PACS1: variants seen among roughly 807,000 people sequenced by gnomAD.
The protein encoded by PACS1 is PACS-1.
In PACS1, 24 loss-of-function variants were observed where a neutral mutation model predicts 115.0. The observed-to-expected ratio is 0.21, with a 90% CI of 0.15 to 0.29. The LOEUF is 0.29. Among genes scored for constraint, PACS1 ranks in the 10% least tolerant of loss-of-function variants. PACS1 has a pLI of 1.00. For missense variants in PACS1, 838 were observed against 1,251.2 expected (o/e 0.67, Z 4.98); for synonymous variants, 453 against 504.5 (o/e 0.90, Z 1.37).
intron 21 of PACS1, 192 bp from the exon 22 acceptor site, chr11:66,241,235 T>TC: frequency 1.8e-6 from 1 of 546,264 alleles, no homozygotes; most frequent in South Asian, 2.7e-5. Context: ...GCCTTTATTC[T>TC]CCCCAGCTTT....
intron 1 of PACS1, among the ~76,000 whole-genome samples, chr11:66,115,098 A>C (rs1220566986): frequency 6.6e-6 from 1 of 151,340 alleles, no homozygotes; most frequent in Non-Finnish European, 1.5e-5. Context: ...GGTCCCAGCT[A>C]CTTGGGAGGC....
At chr11:66,219,693 A>G (rs765998619) in intron 7 of PACS1, 53 bp from the exon 8 acceptor site, 1 of 1,375,444 alleles carries the variant, frequency 7.3e-7, no homozygotes, top group African/African-American at 1.4e-5. Context: ...TATTGACTTG[A>G]ATTGACCCCA....
Position 66,241,577 on chromosome 11 carries a change from C to T in PACS1, c.2580C>T (p.Arg860=), listed in dbSNP as rs775307227. 5.6e-6 allele frequency: 9 copies of T among 1,614,104 alleles called. No homozygotes were observed. Among genetic ancestry groups the T allele is most frequent in the African/African-American group, 1.3e-5 (1 of 74,942 alleles). Residue 860 remains arginine, a synonymous_variant, in exon 22 of 24, where the codon CGC becomes CGT. Coordinates refer to ENST00000320580, the MANE Select transcript of PACS1 (RefSeq NM_018026.4). ...KSVFRSVQVS[R]LPHSGEAQLS... ...TCTTCCGCTCAGTGCAGGTGTCCCG[C>T]CTGCCCCATAGTGGGGAGGCCCAGC...
At chr11:66,183,055 A>G (rs554529624) in intron 1 of PACS1, among the ~76,000 whole-genome samples, 1 of 152,282 alleles carries the variant, frequency 6.6e-6, no homozygotes, top group African/African-American at 2.4e-5. Context: ...ACATGAGCCC[A>G]GGAGATGGAG....
intron 1 of PACS1, among the ~76,000 whole-genome samples, chr11:66,100,580 T>C (rs767733406): frequency 7.9e-5 from 12 of 152,226 alleles, no homozygotes; most frequent in Non-Finnish European, 1.2e-4. Context: ...TTATCTACTG[T>C]TGTGTAAAAA....
intron 1 of PACS1, among the ~76,000 whole-genome samples, chr11:66,125,329 A>T (rs1343792748): frequency 6.6e-6 from 1 of 152,204 alleles, no homozygotes; most frequent in African/African-American, 2.4e-5. Flanking sequence ...TAATGCGTAG[A>T]CCAAATCTTA....
In PACS1 at chr11:66,235,792, C is replaced by A; in HGVS notation, c.2208-106C>A. On this transcript the variant is annotated intron_variant, in intron 18 of 23. Transcript: ENST00000320580. The surrounding 1 kb of genome is among the most constrained non-coding windows in gnomAD (Gnocchi z 5.6). Reference sequence around the variant, plus strand: ...GATGTGATGGGCAGAGGCAGCCCAGCATCCTGGACTCTGCTGCAGCCACAG... The same window carrying A: ...GATGTGATGGGCAGAGGCAGCCCAGAATCCTGGACTCTGCTGCAGCCACAG... 1.0e-6 allele frequency: 1 copy of A among 961,940 alleles called. No individual in the cohort carries two copies. Among genetic ancestry groups the A allele is most frequent in the Non-Finnish European group, 1.7e-6 (1 of 585,838 alleles). 59.6% of individuals were successfully genotyped at this position (961,940 alleles called of 1,614,324 possible).
At chr11:66,108,901 C>A (rs1371232929) in intron 1 of PACS1, among the ~76,000 whole-genome samples, 1 of 152,070 alleles carries the variant, frequency 6.6e-6, no homozygotes, top group African/African-American at 2.4e-5. Context: ...CCCAAGAGTT[C>A]AGGGCTGCAA....
chr11:66,175,631 TG>T (rs2134646688), intron 1 of PACS1, among the ~76,000 whole-genome samples: 1 of 152,326 alleles, frequency 6.6e-6, no homozygotes, highest in South Asian at 2.1e-4. Flanking sequence ...TCAGTCCCAG[TG>T]GCCTTTAGGG....
intron 1 of PACS1, among the ~76,000 whole-genome samples, chr11:66,150,164 G>A (rs1057259190): frequency 2.0e-5 from 3 of 152,044 alleles, no homozygotes; most frequent in Admixed American, 2.0e-4. Flanking sequence ...CTTTATTAAA[G>A]ACATATAAAA....
intron 6 of PACS1, 22 bp from the exon 7 acceptor site, chr11:66,216,672 AT>A: frequency 6.2e-7 from 1 of 1,612,688 alleles, no homozygotes; most frequent in Non-Finnish European, 8.5e-7. Context: ...TCCCACCCTC[AT>A]TCTGTCCCTG....
intron 2 of PACS1, among the ~76,000 whole-genome samples, chr11:66,204,825 A>G (rs925280491): frequency 1.5e-4 from 23 of 152,032 alleles, no homozygotes; most frequent in African/African-American, 5.1e-4. Context: ...TAGTTAATGG[A>G]TACAAAAACA....
intron 1 of PACS1, among the ~76,000 whole-genome samples, chr11:66,087,749 G>C (rs553649691): frequency 6.6e-6 from 1 of 152,288 alleles, no homozygotes; most frequent in South Asian, 2.1e-4. Context: ...GGGCATTCTT[G>C]TACATGTCTG....
chr11:66,219,136 G>T (rs1466381084), intron 7 of PACS1, among the ~76,000 whole-genome samples: 2 of 152,026 alleles, frequency 1.3e-5, no homozygotes, highest in African/African-American at 2.4e-5. Context: ...AAGCAGGTGG[G>T]CAGGGTATGA....
At chr11:66,082,947 A>G (rs1225589627) in intron 1 of PACS1, among the ~76,000 whole-genome samples, 1 of 152,198 alleles carries the variant, frequency 6.6e-6, no homozygotes, top group Non-Finnish European at 1.5e-5. Flanking sequence ...TATGAATATG[A>G]TGGTATAATA....
rs565316310 is a variant in PACS1, at chr11:66,172,400, G to A, written c.357-21086G>A. ...GTCATAAAATACGTTGCACCTTTTT[G>A]CCTTGCTCTTTCTTGGGCCACTCAC... On this transcript the variant is annotated intron_variant, in intron 1 of 23. Transcript: ENST00000320580. Among the ~76,000 whole-genome samples, 7 of 152,230 alleles carry A rather than the reference G, an allele frequency of 4.6e-5. No individual in the cohort carries two copies. In the South Asian group the frequency reaches 1.4e-3, roughly 32 times the overall value.
chr11:66,096,814 C>T (rs1467249102), intron 1 of PACS1, among the ~76,000 whole-genome samples: 1 of 151,690 alleles, frequency 6.6e-6, no homozygotes, highest in Non-Finnish European at 1.5e-5. Flanking sequence ...TGTGAACATT[C>T]TTACACAGGT....
intron 1 of PACS1, among the ~76,000 whole-genome samples, chr11:66,085,110 C>A (rs1857543185): frequency 6.6e-6 from 1 of 152,202 alleles, no homozygotes; most frequent in African/African-American, 2.4e-5. Context: ...GCCCCATAGC[C>A]TTTGTCACTA....
chr11:66,171,741 C>T (rs1159209842), intron 1 of PACS1, among the ~76,000 whole-genome samples: 3 of 149,670 alleles, frequency 2.0e-5, no homozygotes, highest in South Asian at 2.1e-4. Context: ...CACCACGCCC[C>T]GCTAATTTTT....
Sources: allele counts gnomAD v4.1 joint callset (sites outside exome capture counted in the v4.1 genomes callset), GRCh38; gene constraint gnomAD v4.1.1; non-coding constraint Gnocchi (gnomAD v3.1); transcripts MANE v1.5; gene names NCBI Gene and HGNC (gene_info 2026-07-23, HGNC 2026-07-21).